ARHGEF11: variants seen among roughly 807,000 people sequenced by gnomAD.
The protein encoded by ARHGEF11 is Rho guanine nucleotide exchange factor 11.
A neutral mutation model predicts 193.7 loss-of-function variants in ARHGEF11; 55 were observed. The observed-to-expected ratio is 0.28, with a 90% CI of 0.23 to 0.36. ARHGEF11 has a LOEUF of 0.36. Among genes scored for constraint, ARHGEF11 ranks in the 10% least tolerant of loss-of-function variants. The pLI is 1.00. For synonymous variants in ARHGEF11, 693 were observed against 768.0 expected, an observed-to-expected ratio of 0.90 and a Z score of 1.62; for missense variants, 1,723 against 2,005.6, an observed-to-expected ratio of 0.86 and a Z score of 2.69.
chr1:157,023,674 A>C (rs1670271415), intron 1 of ARHGEF11, among the ~76,000 whole-genome samples: 2 of 152,078 alleles, frequency 1.3e-5, no homozygotes, highest in Admixed American at 1.3e-4. Flanking sequence ...GCTGAGGCTG[A>C]AGAATCATTT....
At chr1:157,019,502 C>A (rs138838531) in intron 1 of ARHGEF11, among the ~76,000 whole-genome samples, 1,971 of 152,292 alleles carry the variant, frequency 0.013, 38 homozygotes, top group African/African-American at 0.045. Flanking sequence ...ATTAAACACA[C>A]ATTTATCATA....
chr1:157,000,680 G>A (rs1571436607), intron 1 of ARHGEF11, among the ~76,000 whole-genome samples: 1 of 152,226 alleles, frequency 6.6e-6, no homozygotes, highest in East Asian at 1.9e-4. Flanking sequence ...AACCACTGAG[G>A]TTAAACCATC....
At chr1:156,991,108 C>T (rs1437894013) in intron 1 of ARHGEF11, among the ~76,000 whole-genome samples, 1 of 152,272 alleles carries the variant, frequency 6.6e-6, no homozygotes, top group East Asian at 1.9e-4. Context: ...TATTGAGAAC[C>T]CCGTTCCTAA....
Position 156,948,728 on chromosome 1 carries a change from G to A in ARHGEF11, c.1926-230C>T. ...CCCAGCCTAGCCTGATGGATGGACAGTCATCTTCCTCTGGAGCTATTAGGA... is the reference window on the plus strand; with the variant it reads ...CCCAGCCTAGCCTGATGGATGGACAATCATCTTCCTCTGGAGCTATTAGGA... On this transcript the variant is annotated intron_variant, in intron 22 of 40. Coordinates refer to ENST00000368194, the MANE Select transcript of ARHGEF11 (RefSeq NM_198236.3). The surrounding 1 kb of genome is among the most constrained non-coding windows in gnomAD (Gnocchi z 4.2). The A allele has an allele frequency of 6.7e-7, 1 of 1,492,992 alleles. No individual in the cohort carries two copies. The highest frequency in any genetic ancestry group is 8.9e-7 in the Non-Finnish European group (1 of 1,122,566). 92.5% of individuals were successfully genotyped at this position (1,492,992 alleles called of 1,614,324 possible). A position where few individuals can be genotyped will look rare whatever the true frequency, so the allele number is the denominator to read the frequency against.
chr1:157,042,147 G>A (rs2103108585), intron 1 of ARHGEF11, among the ~76,000 whole-genome samples: 1 of 152,222 alleles, frequency 6.6e-6, no homozygotes, highest in East Asian at 1.9e-4. Context: ...ACTCTTAATG[G>A]GGAAGAGAAT....
intron 37 of ARHGEF11, chr1:156,938,868 C>T (rs1370649973): frequency 3.9e-6 from 1 of 259,600 alleles, no homozygotes; most frequent in African/African-American, 2.2e-5. Context: ...CTTTGTTCTA[C>T]TTTTCTTGCC....
At chr1:156,963,635 AG>A in intron 11 of ARHGEF11, 41 bp from the exon 12 acceptor site, 1 of 1,598,774 alleles carries the variant, frequency 6.3e-7, no homozygotes, top group Non-Finnish European at 8.5e-7. Flanking sequence ...GAGGTTATAG[AG>A]GACAGAGGAT....
intron 28 of ARHGEF11, among the ~76,000 whole-genome samples, 197 bp from the exon 29 acceptor site, chr1:156,946,359 G>C (rs991403743): frequency 6.6e-6 from 1 of 152,150 alleles, no homozygotes; most frequent in Non-Finnish European, 1.5e-5. Flanking sequence ...AATCCAAAGG[G>C]ATATGGTCAA....
intron 38 of ARHGEF11, among the ~76,000 whole-genome samples, chr1:156,937,922 T>C (rs760444913): frequency 5.9e-5 from 9 of 152,098 alleles, no homozygotes; most frequent in Non-Finnish European, 1.0e-4. Flanking sequence ...CTTCCATCCA[T>C]GCCACGATCC....
rs1571645846 is a variant in ARHGEF11 at position 157,044,385 on chromosome 1, G to A, written c.-55C>T. 3.8e-6 allele frequency: 6 copies of A among 1,583,446 alleles called. No individual in the cohort carries two copies. The East Asian group carries it at 1.3e-4, about 35-fold the overall frequency. On this transcript the variant is annotated 5_prime_UTR_variant, in exon 1 of 41. Transcript: ENST00000368194. Reference sequence around the variant, plus strand: ...TCCTGTAGCTTTGGTGTCTTGATCAGGATTGAATCGCTTGCAATTTTTGAG... The same window carrying A: ...TCCTGTAGCTTTGGTGTCTTGATCAAGATTGAATCGCTTGCAATTTTTGAG...
rs151281059 is a variant in ARHGEF11 at position 156,937,306 on chromosome 1, G to A, written c.4383C>T (p.Asp1461=). The change falls in exon 39 of 41, where the codon GAC becomes GAT. Residue 1461 remains aspartate, a synonymous_variant. Coordinates refer to ENST00000368194, the MANE Select transcript of ARHGEF11 (RefSeq NM_198236.3). ...CAATGGTATGGAAGATCATGCCCAC[G>A]TCCCTGAGGGCCAGGCTTGGAGGAG... is the stretch of plus-strand genomic sequence containing the variant. The part of the protein sequence containing the change: ...SRSPPSLALR[D]VGMIFHTIEQ... 38 of 1,613,806 alleles carry A rather than the reference G, an allele frequency of 2.4e-5. No homozygotes were observed. Among genetic ancestry groups the A allele is most frequent in the South Asian group, 3.3e-5 (3 of 91,072 alleles).
Position 156,945,112 on chromosome 1 carries a change from T to C in ARHGEF11, c.2898A>G (p.Gln966=), listed in dbSNP as rs150851152. The C allele has an allele frequency of 3.0e-5, 48 of 1,614,096 alleles. No homozygotes were observed. The highest frequency in any genetic ancestry group is 3.6e-5 in the Non-Finnish European group (43 of 1,180,042). The part of the protein sequence containing the change: ...ILKYVNEAVK[Q]TENRHRLEGY... The stretch of plus-strand genomic sequence containing the variant: ...CCTCTAAACGGTGGCGGTTCTCTGT[T>C]TGTTTTACCGCTTCATTCACATACT... Residue 966 remains glutamine, a synonymous_variant, in exon 30 of 41, where the codon CAA becomes CAG. Coordinates refer to ENST00000368194, the MANE Select transcript of ARHGEF11 (RefSeq NM_198236.3).
intron 1 of ARHGEF11, among the ~76,000 whole-genome samples, chr1:157,040,400 G>C (rs1224574765): frequency 7.2e-5 from 11 of 152,178 alleles, no homozygotes; most frequent in Admixed American, 7.2e-4. Flanking sequence ...AACAGTTGCT[G>C]GGTCTAGATT....
chr1:157,035,025 C>T (rs147467810), intron 1 of ARHGEF11, among the ~76,000 whole-genome samples: 210 of 152,156 alleles, frequency 1.4e-3, no homozygotes, highest in African/African-American at 3.5e-3. Context: ...CTGGTCTACC[C>T]GAAGCAGGGC....
chr1:156,940,137 G>A, intron 36 of ARHGEF11, 70 bp downstream of exon 36: 1 of 1,493,550 alleles, frequency 6.7e-7, no homozygotes, highest in Non-Finnish European at 9.0e-7. Flanking sequence ...GAGGGTGCAG[G>A]CGCCTGCCAG....
intron 1 of ARHGEF11, among the ~76,000 whole-genome samples, chr1:156,987,978 A>G (rs1156563088): frequency 1.3e-5 from 2 of 152,042 alleles, no homozygotes; most frequent in Non-Finnish European, 2.9e-5. Context: ...ATCCAAATTT[A>G]CCCATGTCAT....
At position 156,935,788 on chromosome 1, in the gene ARHGEF11, G is replaced by A; in HGVS notation, c.*212C>T. ...GGAGACATGAGGCCTTGGAGGGTTG[G>A]GCTAAGGGAGGGAAAAGACACTGAA... On this transcript the variant is annotated 3_prime_UTR_variant, in exon 41 of 41. Coordinates refer to ENST00000368194, the MANE Select transcript of ARHGEF11 (RefSeq NM_198236.3). 3.4e-6 allele frequency: 2 copies of A among 580,658 alleles called. No individual in the cohort carries two copies. The highest frequency in any genetic ancestry group is 6.1e-6 in the Non-Finnish European group (2 of 328,568). 36.0% of individuals were successfully genotyped at this position (580,658 alleles called of 1,614,324 possible).
chr1:157,031,774 A>G (rs1181462282), intron 1 of ARHGEF11, among the ~76,000 whole-genome samples: 1 of 152,178 alleles, frequency 6.6e-6, no homozygotes. Flanking sequence ...TTGAGCAGAG[A>G]AGCCATAGTG....
At chr1:157,032,209 G>A (rs1362712554) in intron 1 of ARHGEF11, among the ~76,000 whole-genome samples, 2 of 152,170 alleles carry the variant, frequency 1.3e-5, no homozygotes, top group Admixed American at 6.5e-5. Flanking sequence ...TTTCCCAGAT[G>A]GGGAGCTTAC....
Sources: gnomAD v4.1 joint callset for allele counts (sites outside exome capture counted in the v4.1 genomes callset) on GRCh38, gnomAD v4.1.1 for gene constraint, Gnocchi (gnomAD v3.1) non-coding constraint, MANE v1.5 for transcripts, NCBI Gene and HGNC (gene_info 2026-07-23, HGNC 2026-07-21) for gene names.